Variants in FOXRED2 observed in about 807,000 individuals in gnomAD.
FOXRED2 encodes FAD dependent oxidoreductase domain containing 2, also known as FAD-dependent oxidoreductase domain-containing protein 2.
A neutral mutation model predicts 52.5 loss-of-function variants in FOXRED2; 32 were observed. The observed-to-expected ratio is 0.61, with a 90% confidence interval of 0.46 to 0.82. The LOEUF (loss-of-function observed/expected upper bound fraction) is 0.82, where lower values mean the gene tolerates loss of function less well. Among genes scored for constraint, FOXRED2 ranks in the 40% least tolerant of loss-of-function variants. The pLI is 0.00. For synonymous variants in FOXRED2, 405 were observed against 398.1 expected, an observed-to-expected ratio of 1.02 and a Z score of -0.21; for missense variants, 848 against 937.5, an observed-to-expected ratio of 0.90 and a Z score of 1.25.
Position 36,506,101 on chromosome 22 carries a change from G to C in FOXRED2, c.322C>G (p.Arg108Gly), listed in dbSNP as rs375128648. The change falls in exon 2 of 9, where the codon CGG (arginine) becomes GGG (glycine). Residue 108 changes from arginine to glycine, a missense_variant. Coordinates refer to ENST00000397224, the MANE Select transcript of FOXRED2 (RefSeq NM_001102371.2). ...CGCGAGTAGTGTCTGAAGAGCAGCC[G>C]GGGGTCGTGGCTGAGCAGAGAGTTC... ...DWNSLLSHDPRLLFRHYSRAY... is the reference protein window; with the variant it reads ...DWNSLLSHDPGLLFRHYSRAY... The C allele has an allele frequency of 4.3e-6, 7 of 1,614,238 alleles. No individual in the cohort carries two copies. The highest frequency in any genetic ancestry group is 5.9e-6 in the Non-Finnish European group (7 of 1,180,034).
rs1469768853 is a variant in FOXRED2 at position 36,506,216 on chromosome 22, G to A, written c.207C>T (p.Phe69=). The A allele has an allele frequency of 3.1e-6, 5 of 1,613,970 alleles. No homozygotes were observed. Among genetic ancestry groups the A allele is most frequent in the Admixed American group, 1.7e-5 (1 of 60,016 alleles). ...FERAPRPGSF[F]TRYPRHRKLI... ...GCTTGCGGTGCCGCGGGTAGCGTGT[G>A]AAGAAGCTGCCGGGCCGCGGGGCCC... The change falls in exon 2 of 9, where the codon TTC becomes TTT. Residue 69 remains phenylalanine (F), a synonymous_variant. Coordinates refer to ENST00000397224, the MANE Select transcript of FOXRED2 (RefSeq NM_001102371.2).
Position 36,496,290 on chromosome 22 carries a change from T to C in FOXRED2, c.1383-82A>G, listed in dbSNP as rs1246818815. 1.6e-5 allele frequency: 24 copies of C among 1,534,634 alleles called. No individual in the cohort carries two copies. In the South Asian group the frequency reaches 2.5e-4, roughly 16 times the overall value. On this transcript the variant is annotated intron_variant, in intron 6 of 8. Transcript: ENST00000397224. ...CAGCCCGGGGGTGAGCATGTGTGTG[T>C]GCGTGTGTATCTCCCCCTCTAAGGA...
intron 5 of FOXRED2, 135 bp downstream of exon 5, chr22:36,501,106 C>G: frequency 1.0e-6 from 1 of 953,758 alleles, no homozygotes; most frequent in East Asian, 2.4e-5. Flanking sequence ...TGTCACTTCC[C>G]CAAGACAATT....
chr22:36,504,452 G>A, intron 3 of FOXRED2, 63 bp downstream of exon 3: 1 of 1,608,730 alleles, frequency 6.2e-7, no homozygotes, highest in Admixed American at 1.7e-5. Context: ...GGGGAGGGTT[G>A]GGGAGGCTCT....
At position 36,488,619 on chromosome 22, in the gene FOXRED2, T is replaced by TTACC. The variant is rs138638026; in HGVS notation, c.*1385_*1388dup. The TTACC allele has an allele frequency of 0.076, 11,495 of 152,178 alleles. 449 individuals are homozygous for TTACC. Among genetic ancestry groups the TTACC allele is most frequent in the East Asian group, 0.15 (784 of 5,162 alleles). 9.4% of individuals were successfully genotyped at this position (152,178 alleles called of 1,614,324 possible). ...TTTTTGAGATGGAGTTTCCCTCTTG[T>TTACC]TACCTAGGCTGGAGTGCAATGGCGC... On this transcript the variant is annotated 3_prime_UTR_variant, in exon 9 of 9. Transcript: ENST00000397224.
rs1933701269 is a variant in FOXRED2, at chr22:36,489,813, GGGA to G, written c.*192_*194del. 2 of 522,480 alleles carry G rather than the reference GGGA, an allele frequency of 3.8e-6. No individual in the cohort carries two copies. The highest frequency in any genetic ancestry group is 7.4e-5 in the Admixed American group (2 of 27,120). 32.4% of individuals were successfully genotyped at this position (522,480 alleles called of 1,614,324 possible). A position where few individuals can be genotyped will look rare whatever the true frequency, so the allele number is the denominator to read the frequency against. On this transcript the variant is annotated 3_prime_UTR_variant, in exon 9 of 9. Coordinates refer to ENST00000397224, the MANE Select transcript of FOXRED2 (RefSeq NM_001102371.2). ...GATGCCCTTCTGCCCCCTGACAGGA[GGGA>G]GGAGACCACCGCATCCCCGACTTTC...
Position 36,493,810 on chromosome 22 carries a change from G to T in FOXRED2, c.1625-7C>A, listed in dbSNP as rs1603492979. On this transcript the variant is annotated splice_region_variant and splice_polypyrimidine_tract_variant and intron_variant, in intron 7 of 8. Coordinates refer to ENST00000397224, the MANE Select transcript of FOXRED2 (RefSeq NM_001102371.2). ...CGGAACCTCACCTCCTGTTCTGTGG[G>T]GAGGAGAGAGGGGGCCATGTCAGAG... is the stretch of plus-strand genomic sequence containing the variant. 1 of 1,613,454 alleles carries T rather than the reference G, an allele frequency of 6.2e-7. No homozygotes were observed. The highest frequency in any genetic ancestry group is 1.7e-4 in the Middle Eastern group (1 of 6,056).
At chr22:36,492,389 A>G (rs1933779350) in intron 8 of FOXRED2, among the ~76,000 whole-genome samples, 2 of 152,236 alleles carry the variant, frequency 1.3e-5, no homozygotes, top group African/African-American at 4.8e-5. Flanking sequence ...AGCAGCACAC[A>G]GTGGCCTGTA....
Position 36,489,981 on chromosome 22 carries a change from C to A in FOXRED2, c.*27G>T. The stretch of plus-strand genomic sequence containing the variant: ...GGGCCTAGGTGGGGAGGCCTGGCCA[C>A]TGTGCCCACAGCTTAGGAAGGGACA... On this transcript the variant is annotated 3_prime_UTR_variant, in exon 9 of 9. Coordinates refer to ENST00000397224, the MANE Select transcript of FOXRED2 (RefSeq NM_001102371.2). 1 of 1,527,552 alleles carries A rather than the reference C, an allele frequency of 6.5e-7. No homozygotes were observed. The highest frequency in any genetic ancestry group is 2.3e-5 in the East Asian group (1 of 43,664). The allele number at this position is 1,527,552 out of a possible 1,614,324, so 94.6% of individuals were successfully genotyped here. A position where few individuals can be genotyped will look rare whatever the true frequency, so the allele number is the denominator to read the frequency against.
chr22:36,491,025 A>G (rs62229979), intron 8 of FOXRED2, among the ~76,000 whole-genome samples: 23,123 of 152,082 alleles, frequency 0.15, 2,104 homozygotes, highest in African/African-American at 0.25. Context: ...AGCCAGGCGT[A>G]GTGACAAACA....
In FOXRED2 at chr22:36,490,234, T is replaced by A. The variant is rs1430410873; in HGVS notation, c.1829A>T (p.Lys610Met). 2 of 1,612,404 alleles carry A rather than the reference T, an allele frequency of 1.2e-6. No homozygotes were observed. The highest frequency in any genetic ancestry group is 1.1e-5 in the South Asian group (1 of 90,994). Reference sequence around the variant, plus strand: ...CCCCTGCTGGCAAAAGGGTGGCAACTTCTGGCGCGTGAGGGCGAACAGGAA... The same window carrying A: ...CCCCTGCTGGCAAAAGGGTGGCAACATCTGGCGCGTGAGGGCGAACAGGAA... ...SCFLFALTRQ[K>M]LPPFCQQGYL... The change falls in exon 9 of 9, where the codon AAG becomes ATG. Residue 610 changes from lysine (K) to methionine (M), a missense_variant. Physicochemically the swap from Lys to Met is moderately conservative, Grantham distance 95 (BLOSUM62 -1). Transcript: ENST00000397224.
In FOXRED2 at chr22:36,495,967, C is replaced by T. The variant is rs757699124; in HGVS notation, c.1624G>A (p.Glu542Lys). ...TGGGGAAGGGCAGAGACCTGCTCACCGGTGGGGAGGTATCTATAGTAGTAG... is the reference window on the plus strand; with the variant it reads ...TGGGGAAGGGCAGAGACCTGCTCACTGGTGGGGAGGTATCTATAGTAGTAG... ...VIYYYRYLPTEQEVRFRPAHW... is the reference protein window; with the variant it reads ...VIYYYRYLPTKQEVRFRPAHW... Residue 542 changes from glutamate to lysine, a missense_variant and splice_region_variant, in exon 7 of 9, where the codon GAA becomes AAA. Physicochemically the swap from Glu to Lys is moderately conservative, Grantham distance 56. Coordinates refer to ENST00000397224, the MANE Select transcript of FOXRED2 (RefSeq NM_001102371.2). 8 of 1,613,460 alleles carry T rather than the reference C, an allele frequency of 5.0e-6. No homozygotes were observed. Among genetic ancestry groups the T allele is most frequent in the African/African-American group, 1.3e-5 (1 of 74,926 alleles).
In FOXRED2 at chr22:36,506,104, G is replaced by C; in HGVS notation, c.319C>G (p.Pro107Ala). Residue 107 changes from proline to alanine, a missense_variant, in exon 2 of 9, where the codon CCC (proline) becomes GCC (alanine). Pro to Ala is a conservative substitution (Grantham distance 27). Transcript: ENST00000397224. ...GAGTAGTGTCTGAAGAGCAGCCGGG[G>C]GTCGTGGCTGAGCAGAGAGTTCCAG... ...HDWNSLLSHD[P>A]RLLFRHYSRA... 1 of 1,614,264 alleles carries C rather than the reference G, an allele frequency of 6.2e-7. No individual in the cohort carries two copies. The highest frequency in any genetic ancestry group is 8.5e-7 in the Non-Finnish European group (1 of 1,180,044).
intron 5 of FOXRED2, 123 bp downstream of exon 5, chr22:36,501,118 A>G (rs1934030467): frequency 9.9e-7 from 1 of 1,012,896 alleles, no homozygotes; most frequent in African/African-American, 1.6e-5. Flanking sequence ...AAGACAATTT[A>G]TGACAATGAG....
At chr22:36,506,457 C>T in intron 1 of FOXRED2, 34 bp from the exon 2 acceptor site, 2 of 1,413,458 alleles carry the variant, frequency 1.4e-6, no homozygotes, top group South Asian at 1.6e-5. Flanking sequence ...GCCTCGCACC[C>T]GGCCCGGCGG....
intron 7 of FOXRED2, among the ~76,000 whole-genome samples, chr22:36,494,548 C>A (rs1050041841): frequency 3.9e-5 from 6 of 152,206 alleles, no homozygotes; most frequent in African/African-American, 1.4e-4. Context: ...AGTCAGATGG[C>A]CATCGAGTCA....
At chr22:36,493,611 T>A (rs751367817) in intron 8 of FOXRED2, 22 bp downstream of exon 8, 14 of 1,608,830 alleles carry the variant, frequency 8.7e-6, no homozygotes, top group Non-Finnish European at 1.2e-5. Flanking sequence ...AGACCCTTTG[T>A]CTTTCTGGGA....
At chr22:36,490,979 G>C (rs1019433106) in intron 8 of FOXRED2, among the ~76,000 whole-genome samples, 3 of 152,096 alleles carry the variant, frequency 2.0e-5, no homozygotes, top group Non-Finnish European at 4.4e-5. Flanking sequence ...AACATAATGA[G>C]AAAGAAACCC....
In FOXRED2 at chr22:36,498,138, A is replaced by G; in HGVS notation, c.1235T>C (p.Leu412Pro). The G allele has an allele frequency of 6.2e-7, 1 of 1,611,682 alleles. No homozygotes were observed. The highest frequency in any genetic ancestry group is 1.1e-5 in the South Asian group (1 of 91,016). Reference protein sequence around the residue: ...FRYTVRAVHRLLEHRHHSVTW... With the variant: ...FRYTVRAVHRPLEHRHHSVTW... Reference sequence around the variant, plus strand: ...GACGCTGTGGTGGCGGTGCTCCAGGAGCCGGTGAACAGCACGCACTGGAAC... The same window carrying G: ...GACGCTGTGGTGGCGGTGCTCCAGGGGCCGGTGAACAGCACGCACTGGAAC... The change falls in exon 6 of 9, where the codon CTC becomes CCC. Residue 412 changes from leucine to proline, a missense_variant. Leu to Pro is a moderately conservative substitution (Grantham distance 98). Coordinates refer to ENST00000397224, the MANE Select transcript of FOXRED2 (RefSeq NM_001102371.2).
Sources: gnomAD v4.1 joint callset for allele counts (sites outside exome capture counted in the v4.1 genomes callset) on GRCh38, gnomAD v4.1.1 for gene constraint, MANE v1.5 for transcripts, NCBI Gene and HGNC (gene_info 2026-07-23, HGNC 2026-07-21) for gene names.